The following LRBA variants were observed in gnomAD, a reference collection of about 807,000 sequenced individuals.
LRBA encodes the protein LPS responsive beige-like anchor protein.
A neutral mutation model predicts 330.0 loss-of-function variants in LRBA; 176 were observed. That is an observed-to-expected ratio of 0.53 (90% CI 0.47 to 0.60). The LOEUF (loss-of-function observed/expected upper bound fraction) is 0.60. Among genes scored for constraint, LRBA ranks in the 20% least tolerant of loss-of-function variants. The pLI is 0.00. For synonymous variants in LRBA, 1,230 were observed against 1,193.0 expected, an observed-to-expected ratio of 1.03 and a Z score of -0.64; for missense variants, 3,259 against 3,444.8, an observed-to-expected ratio of 0.95 and a Z score of 1.35.
chr4:150,427,525 A>G (rs774243756), intron 46 of LRBA, among the ~76,000 whole-genome samples: 35 of 152,122 alleles, frequency 2.3e-4, no homozygotes, highest in South Asian at 8.3e-4. Flanking sequence ...AAACAGACAT[A>G]TTTGAGAAAG....
chr4:150,989,442 G>A (rs1450156737), intron 2 of LRBA, among the ~76,000 whole-genome samples: 2 of 151,608 alleles, frequency 1.3e-5, no homozygotes, highest in South Asian at 2.1e-4. Flanking sequence ...GTGAAACCTC[G>A]ACTCTACTAA....
At chr4:150,561,657 C>T (rs766752256) in intron 40 of LRBA, among the ~76,000 whole-genome samples, 16 of 152,098 alleles carry the variant, frequency 1.1e-4, no homozygotes, top group Admixed American at 2.0e-4. Context: ...ACGAATTCTC[C>T]CCTAGACGCT....
intron 37 of LRBA, among the ~76,000 whole-genome samples, chr4:150,620,733 C>T (rs922724011): frequency 3.9e-5 from 6 of 152,224 alleles, no homozygotes; most frequent in Middle Eastern, 6.8e-3. Context: ...CATATTCTCA[C>T]TTATAAGTGG....
chr4:150,820,268 C>T (rs1473372544), intron 30 of LRBA, among the ~76,000 whole-genome samples: 1 of 151,846 alleles, frequency 6.6e-6, no homozygotes, highest in Non-Finnish European at 1.5e-5. Flanking sequence ...AACAGCAGAG[C>T]CTTGAATTTG....
chr4:150,265,869 C>G, intron 56 of LRBA, 57 bp from the exon 57 acceptor site: 1 of 1,021,600 alleles, frequency 9.8e-7, no homozygotes, highest in Non-Finnish European at 1.5e-6. Flanking sequence ...AGAGATGTTA[C>G]TAAAAACTGC....
chr4:150,323,784 T>C (rs566218653), intron 49 of LRBA, among the ~76,000 whole-genome samples: 1 of 152,308 alleles, frequency 6.6e-6, no homozygotes, highest in African/African-American at 2.4e-5. Context: ...ACTACTAGGC[T>C]ACTCTGCAGT....
At chr4:150,838,857 G>C (rs571082991) in intron 28 of LRBA, among the ~76,000 whole-genome samples, 42 of 152,154 alleles carry the variant, frequency 2.8e-4, no homozygotes, top group Admixed American at 9.2e-4. Flanking sequence ...CCTTTGGAGG[G>C]GGAGAGGTGC....
chr4:150,741,471 G>A (rs1464323726), intron 35 of LRBA, among the ~76,000 whole-genome samples: 1 of 152,042 alleles, frequency 6.6e-6, no homozygotes, highest in Non-Finnish European at 1.5e-5. Context: ...ATACTCCACA[G>A]AATGGCTATA....
intron 2 of LRBA, among the ~76,000 whole-genome samples, chr4:150,964,167 T>TG (rs1160924714): frequency 4.2e-5 from 6 of 144,376 alleles, no homozygotes; most frequent in Non-Finnish European, 7.4e-5. Flanking sequence ...GTCTGGGAGG[T>TG]GGGGGGCCCC....
At chr4:150,952,637 CTCTT>C (rs1324418203) in intron 2 of LRBA, among the ~76,000 whole-genome samples, 1 of 152,100 alleles carries the variant, frequency 6.6e-6, no homozygotes, top group Non-Finnish European at 1.5e-5. Context: ...GTTTCTCTCT[CTCTT>C]TCTCTCTGTG....
intron 40 of LRBA, among the ~76,000 whole-genome samples, chr4:150,573,208 T>A (rs1006883936): frequency 3.3e-5 from 5 of 152,182 alleles, no homozygotes; most frequent in Middle Eastern, 3.2e-3. Context: ...TGTCATAATT[T>A]GCATTGCACT....
chr4:150,470,876 C>CACACACA (rs1554034850), intron 43 of LRBA, among the ~76,000 whole-genome samples: 1 of 143,706 alleles, frequency 7.0e-6, no homozygotes, highest in African/African-American at 2.6e-5. Context: ...CACACACACA[C>CACACACA]CACACACTAA....
chr4:150,745,974 C>T (rs1352659429), intron 35 of LRBA, among the ~76,000 whole-genome samples: 1 of 152,098 alleles, frequency 6.6e-6, no homozygotes, highest in African/African-American at 2.4e-5. Flanking sequence ...ATTTAAAAAC[C>T]ATGCAACACT....
rs145647889 is a variant in LRBA, at chr4:150,803,521, T to C, written c.5518+2750A>G. 5.3e-5 allele frequency among the ~76,000 whole-genome samples: 8 copies of C among 152,294 alleles called. No homozygotes were observed. The East Asian group carries it at 9.6e-4, about 18-fold the overall frequency. On this transcript the variant is annotated intron_variant, in intron 33 of 56. Transcript: ENST00000651943. ...TTTTTTTAAAAATTAAGAAGCTTTG[T>C]AATGTTTGGTCACACAGCTAGTCAC...
chr4:150,981,905 G>T (rs1230425731), intron 2 of LRBA, among the ~76,000 whole-genome samples: 1 of 151,146 alleles, frequency 6.6e-6, no homozygotes, highest in African/African-American at 2.4e-5. Context: ...GGAGGTTGCA[G>T]GGAGCTGAGA....
rs757466858 is a variant in LRBA, at chr4:150,302,612, G to A, written c.8017+13C>T. On this transcript the variant is annotated intron_variant, in intron 53 of 56. Transcript: ENST00000651943. Reference sequence around the variant, plus strand: ...CCTTGTAAAAGTTTACTTAAAAAATGAGTCATACTTACTGCCTGGGTTATC... The same window carrying A: ...CCTTGTAAAAGTTTACTTAAAAAATAAGTCATACTTACTGCCTGGGTTATC... The A allele has an allele frequency of 6.1e-5, 97 of 1,582,256 alleles. No homozygotes were observed. Among genetic ancestry groups the A allele is most frequent in the Non-Finnish European group, 8.0e-5 (93 of 1,162,112 alleles).
intron 40 of LRBA, among the ~76,000 whole-genome samples, chr4:150,570,214 T>C (rs1463735307): frequency 6.6e-6 from 1 of 152,146 alleles, no homozygotes; most frequent in Non-Finnish European, 1.5e-5. Flanking sequence ...GAAATTGATG[T>C]GTCGGGAATT....
chr4:150,384,015 GT>G (rs910866725), intron 47 of LRBA, among the ~76,000 whole-genome samples: 3 of 151,846 alleles, frequency 2.0e-5, no homozygotes, highest in African/African-American at 7.2e-5. Flanking sequence ...TTAAGGAACA[GT>G]TTTTTTATTT....
chr4:150,615,011 A>G (rs562044175), intron 37 of LRBA, among the ~76,000 whole-genome samples: 1 of 152,368 alleles, frequency 6.6e-6, no homozygotes, highest in Admixed American at 6.5e-5. Flanking sequence ...TAAGATGCTT[A>G]GAAATAATTT....
Sources: allele counts gnomAD v4.1 joint callset (sites outside exome capture counted in the v4.1 genomes callset), GRCh38; gene constraint gnomAD v4.1.1; transcripts MANE v1.5; gene names NCBI Gene and HGNC (gene_info 2026-07-23, HGNC 2026-07-21).